The following PSD3 variants were observed in gnomAD, a reference collection of about 807,000 sequenced individuals.
The protein encoded by PSD3 is pleckstrin and Sec7 domain containing 3.
A neutral mutation model predicts 105.5 loss-of-function variants in PSD3; 49 were observed. The observed-to-expected ratio is 0.46, with a 90% confidence interval of 0.37 to 0.59. PSD3 has a LOEUF of 0.59. Among genes scored for constraint, PSD3 ranks in the 20% least tolerant of loss-of-function variants. PSD3 has a pLI of 0.00. For missense variants in PSD3, 1,561 were observed against 1,263.8 expected (o/e 1.24, Z -3.57); for synonymous variants, 557 against 457.8 (o/e 1.22, Z -2.77).
intron 12 of PSD3, among the ~76,000 whole-genome samples, chr8:18,592,250 C>A (rs1378007200): frequency 6.6e-6 from 1 of 151,938 alleles, no homozygotes; most frequent in Non-Finnish European, 1.5e-5. Flanking sequence ...ATGAAAAATT[C>A]AGATGAGAGG....
intron 9 of PSD3, among the ~76,000 whole-genome samples, chr8:18,738,353 T>TAAA (rs1444695683): frequency 1.3e-5 from 2 of 152,136 alleles, no homozygotes; most frequent in Non-Finnish European, 2.9e-5. Context: ...TTCTCATTTA[T>TAAA]AAAATGGGAA....
chr8:18,836,795 GA>G (rs1157412562), intron 4 of PSD3, among the ~76,000 whole-genome samples: 5 of 149,936 alleles, frequency 3.3e-5, no homozygotes, highest in African/African-American at 9.8e-5. Context: ...ATAATGACAA[GA>G]AAAAAAAAGG....
intron 8 of PSD3, among the ~76,000 whole-genome samples, chr8:18,773,901 C>T (rs997877102): frequency 6.6e-6 from 1 of 152,158 alleles, no homozygotes; most frequent in East Asian, 1.9e-4. Flanking sequence ...GATCTTTCCA[C>T]TTTTACAGTT....
intron 2 of PSD3, among the ~76,000 whole-genome samples, chr8:18,888,435 T>C (rs545654577): frequency 6.6e-6 from 1 of 152,132 alleles, no homozygotes; most frequent in East Asian, 1.9e-4. Context: ...TTTCCAATTA[T>C]GTTACCTTGA....
intron 9 of PSD3, among the ~76,000 whole-genome samples, chr8:18,709,663 C>G (rs1802127227): frequency 2.0e-5 from 3 of 152,212 alleles, no homozygotes; most frequent in Non-Finnish European, 2.9e-5. Flanking sequence ...CTTTGCTGTT[C>G]TGCAGACTCC....
intron 9 of PSD3, among the ~76,000 whole-genome samples, chr8:18,761,369 T>C (rs1215613253): frequency 1.3e-5 from 2 of 152,292 alleles, no homozygotes; most frequent in East Asian, 1.9e-4. Context: ...CAGGAAGGGA[T>C]AGGGTCCTTC....
intron 1 of PSD3, among the ~76,000 whole-genome samples, chr8:19,020,158 GC>G (rs1827318788): frequency 6.6e-6 from 1 of 152,158 alleles, no homozygotes; most frequent in Non-Finnish European, 1.5e-5. Context: ...GGAGCACAAA[GC>G]ATCCCTTCCC....
chr8:18,669,837 A>G (rs1478189686), intron 9 of PSD3, among the ~76,000 whole-genome samples: 1 of 152,212 alleles, frequency 6.6e-6, no homozygotes, highest in Non-Finnish European at 1.5e-5. Context: ...AGTATTTTAT[A>G]ACAACTAGAA....
intron 6 of PSD3, among the ~76,000 whole-genome samples, chr8:18,801,981 C>T (rs1360492160): frequency 2.6e-5 from 4 of 151,856 alleles, no homozygotes; most frequent in Non-Finnish European, 5.9e-5. Flanking sequence ...AAACAAAGAC[C>T]GCTTAAGACT....
chr8:18,988,084 T>G (rs1156358494), intron 1 of PSD3, among the ~76,000 whole-genome samples: 1 of 150,296 alleles, frequency 6.7e-6, no homozygotes, highest in Admixed American at 6.7e-5. Context: ...TAAGCACCAA[T>G]GAATGTTAGA....
intron 12 of PSD3, among the ~76,000 whole-genome samples, chr8:18,599,589 T>G (rs1804285614): frequency 6.6e-6 from 1 of 152,212 alleles, no homozygotes; most frequent in Non-Finnish European, 1.5e-5. Context: ...CCTGAAATTT[T>G]GAATAGTACG....
chr8:18,734,881 C>T (rs1230177557), intron 9 of PSD3, among the ~76,000 whole-genome samples: 6 of 152,170 alleles, frequency 3.9e-5, no homozygotes, highest in Non-Finnish European at 5.9e-5. Flanking sequence ...AACAGCAATA[C>T]CATTACAAAG....
intron 11 of PSD3, among the ~76,000 whole-genome samples, chr8:18,627,239 T>A (rs1000024662): frequency 6.6e-6 from 1 of 151,874 alleles, no homozygotes; most frequent in Non-Finnish European, 1.5e-5. Flanking sequence ...CATGCTGAGT[T>A]GAGGAGGTAA....
chr8:18,752,506 ATATAATATATGTAATATATATAAT>A (rs1200501336), intron 9 of PSD3, among the ~76,000 whole-genome samples: 2,060 of 85,398 alleles, frequency 0.024, 43 homozygotes, highest in Middle Eastern at 0.037. Context: ...TATATAATAT[ATATAATATATGTAATATATATAAT>A]TATATATTAT....
At chr8:18,931,897 G>T (rs1021766924) in intron 2 of PSD3, among the ~76,000 whole-genome samples, 1 of 151,672 alleles carries the variant, frequency 6.6e-6, no homozygotes, top group Non-Finnish European at 1.5e-5. Flanking sequence ...TTTTCCTACA[G>T]GAACAGATGA....
intron 9 of PSD3, among the ~76,000 whole-genome samples, chr8:18,676,130 T>C (rs1447346826): frequency 1.3e-5 from 2 of 152,230 alleles, no homozygotes; most frequent in Non-Finnish European, 2.9e-5. Context: ...GCATAGAGTT[T>C]TCTTTTTCCT....
intron 12 of PSD3, among the ~76,000 whole-genome samples, chr8:18,578,747 A>AG (rs11382905): frequency 6.6e-6 from 1 of 151,712 alleles, no homozygotes; most frequent in Non-Finnish European, 1.5e-5. Context: ...AAAAAAAAAA[A>AG]TTTAATGCTA....
In PSD3 at chr8:19,083,977, T is replaced by C. The variant is rs536186270; in HGVS notation, c.324+229A>G. Among the ~76,000 whole-genome samples, 62 of 152,336 alleles carry C rather than the reference T, an allele frequency of 4.1e-4. 1 individual carries two copies. In the South Asian group the frequency reaches 0.012, roughly 30 times the overall value. ...CTTTGGCAGAAATCTTGGGAAATAG[T>C]TAATCCTTGCCTTCTTCCAAACAAA... On this transcript the variant is annotated intron_variant, in intron 1 of 1. Transcript: ENST00000521475.
intron 10 of PSD3, among the ~76,000 whole-genome samples, chr8:18,639,153 G>C (rs1181500274): frequency 6.6e-6 from 1 of 152,216 alleles, no homozygotes; most frequent in Non-Finnish European, 1.5e-5. Context: ...CCAAGAGAGG[G>C]AGTAAGTAAT....
Sources: allele counts gnomAD v4.1 joint callset (sites outside exome capture counted in the v4.1 genomes callset), GRCh38; gene constraint gnomAD v4.1.1; transcripts MANE v1.5; gene names NCBI Gene and HGNC (gene_info 2026-07-23, HGNC 2026-07-21).